RASAL2: variants seen among roughly 807,000 people sequenced by gnomAD.
The protein encoded by RASAL2 is ras GTPase-activating protein nGAP.
Under a neutral mutation model 128.9 loss-of-function variants are expected in RASAL2, and 58 were observed. The observed-to-expected ratio is 0.45, with a 90% CI of 0.36 to 0.56. RASAL2 has a LOEUF of 0.56. Among genes scored for constraint, RASAL2 ranks in the 20% least tolerant of loss-of-function variants. The pLI, the probability that RASAL2 is intolerant of heterozygous loss-of-function variation, is 0.00. For synonymous variants in RASAL2, 561 were observed against 580.8 expected (o/e 0.97, Z 0.49); for missense variants, 1,360 against 1,601.6 (o/e 0.85, Z 2.57).
chr1:178,384,695 A>C (rs192506094), intron 3 of RASAL2, among the ~76,000 whole-genome samples: 6,841 of 148,118 alleles, frequency 0.046, 504 homozygotes, highest in African/African-American at 0.17. Flanking sequence ...CACACACAAA[A>C]AAAAAACTCA....
At chr1:178,133,462 A>G (rs1660196517) in intron 1 of RASAL2, among the ~76,000 whole-genome samples, 1 of 152,044 alleles carries the variant, frequency 6.6e-6, no homozygotes, top group South Asian at 2.1e-4. Flanking sequence ...TGCCACCAGA[A>G]AACATTCTGC....
intron 11 of RASAL2, among the ~76,000 whole-genome samples, chr1:178,453,447 G>A (rs1677533438): frequency 6.6e-6 from 1 of 151,746 alleles, no homozygotes; most frequent in South Asian, 2.1e-4. Context: ...AGCAAACTTG[G>A]CAAATATAAC....
Position 178,420,590 on chromosome 1 carries a change from G to A in RASAL2, c.644G>A (p.Arg215Gln), listed in dbSNP as rs759746265. 51 of 1,611,936 alleles carry A rather than the reference G, an allele frequency of 3.2e-5. No individual in the cohort carries two copies. In the Admixed American group the frequency reaches 6.4e-4, roughly 20 times the overall value. Residue 215 changes from arginine (R) to glutamine (Q), a missense_variant, in exon 5 of 18, where the codon CGG (arginine) becomes CAG (glutamine). Arg to Gln is a conservative substitution (Grantham distance 43). Coordinates refer to ENST00000367649, the MANE Select transcript of RASAL2 (RefSeq NM_170692.4). ...QSKLDRNTSFRLPSLRSTDDR... is the reference protein window; with the variant it reads ...QSKLDRNTSFQLPSLRSTDDR... ...AAGCTTGACAGAAACACGAGCTTTCGGCTTCCATCCCTTCGCAGTACAGAT... is the reference window on the plus strand; with the variant it reads ...AAGCTTGACAGAAACACGAGCTTTCAGCTTCCATCCCTTCGCAGTACAGAT...
chr1:178,420,480 C>G (rs1459227026), intron 4 of RASAL2, 31 bp from the exon 5 acceptor site: 2 of 1,477,564 alleles, frequency 1.4e-6, no homozygotes, highest in Admixed American at 3.6e-5. Context: ...TTTTGGTTCT[C>G]TCTCCCATCA....
rs7550580 is a variant in RASAL2 at position 178,127,550 on chromosome 1, T to C, written c.202+32856T>C. ...AGGGATAAATTATCTGGAAAGAGCC[T>C]GTCTTTTTTGAAACCCTGTATTTGA... On this transcript the variant is annotated intron_variant, in intron 1 of 17. Coordinates refer to ENST00000367649, the MANE Select transcript of RASAL2 (RefSeq NM_170692.4). 5.1e-3 allele frequency among the ~76,000 whole-genome samples: 781 copies of C among 152,278 alleles called. 8 individuals are homozygous for C. The highest frequency in any genetic ancestry group is 0.018 in the African/African-American group (756 of 41,568).
intron 3 of RASAL2, among the ~76,000 whole-genome samples, chr1:178,329,041 T>G (rs754473179): frequency 6.6e-6 from 1 of 152,190 alleles, no homozygotes; most frequent in Non-Finnish European, 1.5e-5. Context: ...ATTCCTATTA[T>G]GTGCCACACA....
intron 1 of RASAL2, among the ~76,000 whole-genome samples, chr1:178,119,349 C>T (rs1026350047): frequency 2.0e-5 from 3 of 152,214 alleles, no homozygotes; most frequent in Non-Finnish European, 4.4e-5. Context: ...ACATCCATCA[C>T]CTCCCAGAGT....
intron 4 of RASAL2, among the ~76,000 whole-genome samples, chr1:178,401,970 A>G (rs1163131887): frequency 6.6e-6 from 1 of 152,192 alleles, no homozygotes; most frequent in Non-Finnish European, 1.5e-5. Context: ...AAGGAATGAT[A>G]AGAGAACTGT....
At chr1:178,340,903 A>G (rs1231081849) in intron 3 of RASAL2, among the ~76,000 whole-genome samples, 1 of 151,928 alleles carries the variant, frequency 6.6e-6, no homozygotes, top group Non-Finnish European at 1.5e-5. Context: ...TTTAAAAATA[A>G]CTTTTAAAAA....
At chr1:178,305,952 A>G (rs969096019) in intron 3 of RASAL2, among the ~76,000 whole-genome samples, 1 of 152,234 alleles carries the variant, frequency 6.6e-6, no homozygotes, top group African/African-American at 2.4e-5. Context: ...TTTCCAAATA[A>G]GCAAATTGAG....
chr1:178,301,084 G>T (rs1667742096), intron 3 of RASAL2, among the ~76,000 whole-genome samples: 1 of 152,126 alleles, frequency 6.6e-6, no homozygotes, highest in African/African-American at 2.4e-5. Context: ...AGAGCTTTTG[G>T]CTGGAATTTG....
intron 1 of RASAL2, among the ~76,000 whole-genome samples, chr1:178,190,243 C>T (rs997671440): frequency 6.6e-6 from 1 of 152,088 alleles, no homozygotes; most frequent in Non-Finnish European, 1.5e-5. Flanking sequence ...TGGCTGACTA[C>T]TTGGTTTTCT....
chr1:178,220,535 C>A (rs956166603), intron 1 of RASAL2, among the ~76,000 whole-genome samples: 2 of 152,068 alleles, frequency 1.3e-5, no homozygotes, highest in Non-Finnish European at 2.9e-5. Flanking sequence ...AGATACAAAG[C>A]GAGCACATGC....
chr1:178,354,464 C>A (rs1465845747), intron 3 of RASAL2, among the ~76,000 whole-genome samples: 1 of 152,144 alleles, frequency 6.6e-6, no homozygotes, highest in Non-Finnish European at 1.5e-5. Context: ...CCTTGCTATT[C>A]CACATTGTAT....
intron 1 of RASAL2, among the ~76,000 whole-genome samples, chr1:178,110,552 GTATA>G (rs1184663635): frequency 2.1e-5 from 3 of 142,966 alleles, no homozygotes; most frequent in Admixed American, 7.0e-5. Context: ...TATATACAGT[GTATA>G]TATAGTATAT....
intron 3 of RASAL2, among the ~76,000 whole-genome samples, chr1:178,381,695 A>T (rs1672296094): frequency 6.6e-6 from 1 of 152,094 alleles, no homozygotes. Flanking sequence ...ATGTTCACTG[A>T]CTACCAAAAT....
intron 1 of RASAL2, among the ~76,000 whole-genome samples, chr1:178,165,226 T>C (rs968234648): frequency 1.3e-4 from 20 of 152,270 alleles, no homozygotes; most frequent in African/African-American, 4.8e-4. Flanking sequence ...GTTACACATA[T>C]ATGTGTATAT....
At chr1:178,431,396 AT>A (rs989914935) in intron 5 of RASAL2, among the ~76,000 whole-genome samples, 1 of 152,040 alleles carries the variant, frequency 6.6e-6, no homozygotes, top group Non-Finnish European at 1.5e-5. Flanking sequence ...ATGAAATACC[AT>A]TTTTTACCAA....
At chr1:178,386,505 A>T (rs1048101706) in intron 3 of RASAL2, among the ~76,000 whole-genome samples, 1 of 152,214 alleles carries the variant, frequency 6.6e-6, no homozygotes, top group Non-Finnish European at 1.5e-5. Context: ...ATTGGAGGTT[A>T]TCTCTCATCA....
Sources: allele counts gnomAD v4.1 joint callset (sites outside exome capture counted in the v4.1 genomes callset), GRCh38; gene constraint gnomAD v4.1.1; transcripts MANE v1.5; gene names NCBI Gene and HGNC (gene_info 2026-07-23, HGNC 2026-07-21).